The following ZFHX3 variants were observed in gnomAD, a reference collection of about 807,000 sequenced individuals.
ZFHX3 encodes zinc finger homeobox protein 3.
A neutral mutation model predicts 279.1 loss-of-function variants in ZFHX3; 42 were observed. That is an observed-to-expected ratio of 0.15 (90% CI 0.12 to 0.19). The LOEUF is 0.19. ZFHX3 is among the 10% of genes least tolerant of loss of function. The pLI is 1.00. For missense variants in ZFHX3, 4,981 were observed against 4,754.0 expected (o/e 1.05, Z -1.40); for synonymous variants, 2,293 against 1,957.8 (o/e 1.17, Z -4.52).
intron 5 of ZFHX3, among the ~76,000 whole-genome samples, chr16:73,170,479 C>G (rs1317128115): frequency 6.6e-6 from 1 of 152,070 alleles, no homozygotes; most frequent in Non-Finnish European, 1.5e-5. Context: ...ATCCGCCTGC[C>G]TCGGCCTCTC....
intron 8 of ZFHX3, among the ~76,000 whole-genome samples, chr16:73,091,256 G>A (rs1015774027): frequency 5.3e-5 from 8 of 149,704 alleles, no homozygotes; most frequent in African/African-American, 1.7e-4. Flanking sequence ...AAGCAGTAAA[G>A]ACCACTAATC....
At chr16:73,845,057 G>A (rs1961413391) in intron 1 of ZFHX3, among the ~76,000 whole-genome samples, 1 of 152,150 alleles carries the variant, frequency 6.6e-6, no homozygotes, top group African/African-American at 2.4e-5. Flanking sequence ...TTTATAAGCA[G>A]CCATGCACTG....
chr16:72,924,953 G>A (rs1959363162), intron 3 of ZFHX3, among the ~76,000 whole-genome samples: 1 of 152,134 alleles, frequency 6.6e-6, no homozygotes. Context: ...AACGGAGAAG[G>A]CAGATGGGTC....
intron 5 of ZFHX3, among the ~76,000 whole-genome samples, chr16:73,252,224 T>C (rs1308475064): frequency 6.6e-6 from 1 of 152,108 alleles, no homozygotes; most frequent in East Asian, 1.9e-4. Flanking sequence ...GCTATGCTTT[T>C]AGGAAAATAA....
intron 1 of ZFHX3, among the ~76,000 whole-genome samples, chr16:73,697,309 T>C (rs2053206622): frequency 6.6e-6 from 1 of 152,048 alleles, no homozygotes; most frequent in Non-Finnish European, 1.5e-5. Context: ...GTATTTAGAA[T>C]GGACAAAGTT....
At chr16:73,257,442 G>C (rs1165328668) in intron 4 of ZFHX3, among the ~76,000 whole-genome samples, 1 of 152,188 alleles carries the variant, frequency 6.6e-6, no homozygotes, top group African/African-American at 2.4e-5. Flanking sequence ...TCAGACATGG[G>C]ATATGAAGCT....
intron 1 of ZFHX3, among the ~76,000 whole-genome samples, chr16:73,868,176 T>C (rs887164922): frequency 6.6e-6 from 1 of 152,134 alleles, no homozygotes; most frequent in Non-Finnish European, 1.5e-5. Context: ...ATACAGACAA[T>C]AGAAAACCTG....
At chr16:73,350,255 G>C (rs533602817) in intron 3 of ZFHX3, among the ~76,000 whole-genome samples, 1 of 152,166 alleles carries the variant, frequency 6.6e-6, no homozygotes, top group East Asian at 1.9e-4. Context: ...CCTCTTTCTG[G>C]GTGAGGGAGC....
At chr16:72,792,619 T>C (rs2035750738) in intron 9 of ZFHX3, among the ~76,000 whole-genome samples, 1 of 152,070 alleles carries the variant, frequency 6.6e-6, no homozygotes, top group Non-Finnish European at 1.5e-5. Flanking sequence ...ACTTGGGTAA[T>C]TTTTGTATTT....
intron 4 of ZFHX3, among the ~76,000 whole-genome samples, chr16:72,855,583 A>G (rs2143862633): frequency 1.3e-5 from 2 of 152,378 alleles, no homozygotes; most frequent in Non-Finnish European, 2.9e-5. Context: ...TTATCACCTC[A>G]GCAGAGGGAG....
At chr16:73,629,873 C>A (rs921428002) in intron 2 of ZFHX3, among the ~76,000 whole-genome samples, 1 of 152,164 alleles carries the variant, frequency 6.6e-6, no homozygotes, top group Non-Finnish European at 1.5e-5. Flanking sequence ...GTGGTTTGAA[C>A]TGATAGTCTC....
intron 1 of ZFHX3, among the ~76,000 whole-genome samples, chr16:73,688,067 C>G (rs575709607): frequency 6.6e-6 from 1 of 151,888 alleles, no homozygotes; most frequent in East Asian, 2.0e-4. Context: ...CCAAAATTCA[C>G]ATCTTGAGCC....
intron 2 of ZFHX3, among the ~76,000 whole-genome samples, chr16:73,665,613 G>C (rs1405022969): frequency 6.6e-6 from 1 of 151,700 alleles, no homozygotes; most frequent in East Asian, 1.9e-4. Context: ...TGAAGGATAT[G>C]GCAGTGGGAT....
At chr16:73,472,790 T>C (rs1175057467) in intron 2 of ZFHX3, among the ~76,000 whole-genome samples, 1 of 152,104 alleles carries the variant, frequency 6.6e-6, no homozygotes, top group Non-Finnish European at 1.5e-5. Flanking sequence ...CCTTTCCCTG[T>C]GGTCACAGCT....
At chr16:72,823,525 G>A (rs915635473) in intron 5 of ZFHX3, among the ~76,000 whole-genome samples, 1 of 152,146 alleles carries the variant, frequency 6.6e-6, no homozygotes, top group Non-Finnish European at 1.5e-5. Flanking sequence ...ACTAGGTAAG[G>A]GCATATGGTG....
intron 1 of ZFHX3, among the ~76,000 whole-genome samples, chr16:73,022,549 C>A (rs753484395): frequency 6.6e-6 from 1 of 152,160 alleles, no homozygotes; most frequent in Non-Finnish European, 1.5e-5. Context: ...CAGTAGCATC[C>A]TCTCCCCAAA....
intron 2 of ZFHX3, among the ~76,000 whole-genome samples, chr16:73,645,391 G>A (rs544155098): frequency 1.3e-5 from 2 of 152,160 alleles, no homozygotes; most frequent in African/African-American, 2.4e-5. Flanking sequence ...CGAGTAGCTG[G>A]GACTACAGGC....
chr16:73,189,176 C>G (rs976309354), intron 5 of ZFHX3, among the ~76,000 whole-genome samples: 3 of 152,190 alleles, frequency 2.0e-5, no homozygotes, highest in Non-Finnish European at 4.4e-5. Flanking sequence ...CTGGGTATTT[C>G]TAAGAGGCAG....
At chr16:73,716,931 G>A (rs2053421932) in intron 1 of ZFHX3, among the ~76,000 whole-genome samples, 1 of 151,998 alleles carries the variant, frequency 6.6e-6, no homozygotes, top group Admixed American at 6.6e-5. Flanking sequence ...TCATAAGGTT[G>A]GGGTAGGGGG....
Sources: gnomAD v4.1 joint callset for allele counts (sites outside exome capture counted in the v4.1 genomes callset) on GRCh38, gnomAD v4.1.1 for gene constraint, MANE v1.5 for transcripts, NCBI Gene and HGNC (gene_info 2026-07-23, HGNC 2026-07-21) for gene names.